The following CUBN variants were observed in gnomAD, a reference collection of about 807,000 sequenced individuals.
The protein encoded by CUBN is 460 kDa receptor.
In CUBN, 282 loss-of-function variants were observed where a neutral mutation model predicts 405.3. The observed-to-expected ratio is 0.70, with a 90% CI of 0.63 to 0.77. The LOEUF is 0.77. CUBN is among the 30% of genes least tolerant of loss of function. CUBN has a pLI of 0.00. For missense variants in CUBN, 4,514 were observed against 4,475.2 expected, an observed-to-expected ratio of 1.01 and a Z score of -0.25; for synonymous variants, 1,684 against 1,617.0, an observed-to-expected ratio of 1.04 and a Z score of -0.99.
chr10:16,876,906 T>C lies in CUBN; in HGVS notation c.9097A>G (p.Arg3033Gly), dbSNP rs769119810. The C allele has an allele frequency of 1.9e-6, 3 of 1,613,820 alleles. No individual in the cohort carries two copies. The highest frequency in any genetic ancestry group is 2.2e-5 in the East Asian group (1 of 44,872). ...ITDFGFKFSY[R>G]IISCGGVFNF... ...CATTATGGCTACTCACAGATTATCCTATAGGAAAACTTGAATCCGAAGTCT... is the reference window on the plus strand; with the variant it reads ...CATTATGGCTACTCACAGATTATCCCATAGGAAAACTTGAATCCGAAGTCT... The change falls in exon 57 of 67, where the codon AGG becomes GGG. Residue 3033 changes from arginine (R) to glycine (G), a missense_variant. Arg to Gly is a moderately radical substitution (Grantham distance 125). Coordinates refer to ENST00000377833, the MANE Select transcript of CUBN (RefSeq NM_001081.4).
At chr10:17,111,173 G>A (rs1325729329) in intron 8 of CUBN, 123 bp from the exon 9 acceptor site, 1 of 1,145,038 alleles carries the variant, frequency 8.7e-7, no homozygotes. Context: ...AATGAGATAT[G>A]CTTATCAGAT....
intron 27 of CUBN, among the ~76,000 whole-genome samples, chr10:17,039,175 T>C (rs1337341866): frequency 6.6e-6 from 1 of 152,206 alleles, no homozygotes; most frequent in African/African-American, 2.4e-5. Flanking sequence ...ATCACGATTA[T>C]GGTGCCCAGC....
chr10:17,074,585 T>C (rs1171061511), intron 17 of CUBN, among the ~76,000 whole-genome samples: 1 of 152,202 alleles, frequency 6.6e-6, no homozygotes, highest in African/African-American at 2.4e-5. Context: ...AGAGTGTAAA[T>C]TGAAGATTCT....
intron 31 of CUBN, among the ~76,000 whole-genome samples, chr10:16,981,543 G>A (rs539882448): frequency 7.2e-5 from 11 of 152,280 alleles, no homozygotes; most frequent in Admixed American, 6.5e-4. Context: ...AGCACTGATT[G>A]CAACACATGC....
At chr10:16,994,158 G>C (rs1270893998) in intron 28 of CUBN, among the ~76,000 whole-genome samples, 1 of 152,130 alleles carries the variant, frequency 6.6e-6, no homozygotes, top group Non-Finnish European at 1.5e-5. Flanking sequence ...AAATTTGAAA[G>C]AGGTAAAATA....
chr10:17,093,550 C>CATA (rs1836310294), intron 14 of CUBN, among the ~76,000 whole-genome samples: 1 of 151,950 alleles, frequency 6.6e-6, no homozygotes, highest in South Asian at 2.1e-4. Context: ...CTGCCAGGAA[C>CATA]ATAAGTGCCT....
chr10:16,940,852 T>G (rs977564185), intron 36 of CUBN, among the ~76,000 whole-genome samples: 1 of 152,134 alleles, frequency 6.6e-6, no homozygotes, highest in Admixed American at 6.5e-5. Context: ...ATGGGATCAT[T>G]TAGGTGGCAC....
chr10:16,943,519 T>A lies in CUBN; in HGVS notation c.5343-3282A>T, dbSNP rs535090294. On this transcript the variant is annotated intron_variant, in intron 36 of 66. Coordinates refer to ENST00000377833, the MANE Select transcript of CUBN (RefSeq NM_001081.4). ...TTGTGTATACATTCAGGCTCAATTTTATTACTCATAATATGATCAACAATG... is the reference window on the plus strand; with the variant it reads ...TTGTGTATACATTCAGGCTCAATTTAATTACTCATAATATGATCAACAATG... Among the ~76,000 whole-genome samples, 61 of 152,356 alleles carry A rather than the reference T, an allele frequency of 4.0e-4. No individual in the cohort carries two copies. The South Asian group carries it at 0.011, about 27-fold the overall frequency.
At chr10:16,944,303 A>G (rs1263575782) in intron 36 of CUBN, among the ~76,000 whole-genome samples, 1 of 152,132 alleles carries the variant, frequency 6.6e-6, no homozygotes. Context: ...AAAACAATTT[A>G]CCATATTCAC....
chr10:16,949,864 A>G (rs1178432588), intron 34 of CUBN, 137 bp downstream of exon 34: 8 of 707,100 alleles, frequency 1.1e-5, no homozygotes, highest in Non-Finnish European at 2.0e-5. Context: ...TTACCCTCTA[A>G]TCATCTTTAT....
intron 25 of CUBN, 138 bp downstream of exon 25, chr10:17,044,869 T>G (rs1234096287): frequency 9.9e-6 from 9 of 911,690 alleles, no homozygotes; most frequent in Admixed American, 6.0e-5. Flanking sequence ...TTCTTTTATG[T>G]TTTTATTTTG....
intron 27 of CUBN, among the ~76,000 whole-genome samples, chr10:17,028,280 A>G (rs1188481337): frequency 6.6e-6 from 1 of 150,996 alleles, no homozygotes; most frequent in Non-Finnish European, 1.5e-5. Context: ...TAAAATTCTC[A>G]CCACCTGCTG....
At chr10:16,950,216 T>C (rs1049650886) in intron 33 of CUBN, 105 bp from the exon 34 acceptor site, 1 of 749,258 alleles carries the variant, frequency 1.3e-6, no homozygotes, top group Non-Finnish European at 2.3e-6. Context: ...CTATAAAAAA[T>C]AGAAGGAATG....
chr10:16,973,367 G>C (rs762700140), intron 31 of CUBN, among the ~76,000 whole-genome samples: 3 of 152,150 alleles, frequency 2.0e-5, no homozygotes, highest in Non-Finnish European at 4.4e-5. Context: ...CCAGAGCACT[G>C]AGCCCTAGAT....
chr10:16,967,634 A>G (rs1007275989), intron 31 of CUBN, among the ~76,000 whole-genome samples: 2 of 152,100 alleles, frequency 1.3e-5, no homozygotes, highest in African/African-American at 4.8e-5. Context: ...TGGAAACAAA[A>G]ATTCCTGTGG....
intron 6 of CUBN, chr10:17,121,814 G>C (rs1422062696): frequency 6.6e-6 from 1 of 152,162 alleles, no homozygotes; most frequent in Non-Finnish European, 1.5e-5. Flanking sequence ...AGATAGCAGA[G>C]ACACCAGTAA....
intron 22 of CUBN, among the ~76,000 whole-genome samples, chr10:17,063,134 C>A (rs911093096): frequency 6.6e-6 from 1 of 152,118 alleles, no homozygotes; most frequent in Non-Finnish European, 1.5e-5. Context: ...GCTGCAGGAC[C>A]CCCCCTCAGC....
chr10:16,902,758 G>A (rs1004767374), intron 51 of CUBN, among the ~76,000 whole-genome samples: 1 of 152,204 alleles, frequency 6.6e-6, no homozygotes, highest in Admixed American at 6.5e-5. Context: ...CTCAAAGTGA[G>A]AGGAGTGAAA....
chr10:16,900,011 AC>A (rs1449480330), intron 53 of CUBN, among the ~76,000 whole-genome samples: 1 of 152,242 alleles, frequency 6.6e-6, no homozygotes, highest in Admixed American at 6.5e-5. Context: ...CTTTCTATGC[AC>A]AAAAACTATT....
Sources: gnomAD v4.1 joint callset for allele counts (sites outside exome capture counted in the v4.1 genomes callset) on GRCh38, gnomAD v4.1.1 for gene constraint, MANE v1.5 for transcripts, NCBI Gene and HGNC (gene_info 2026-07-23, HGNC 2026-07-21) for gene names.